AGXT2: variants seen among roughly 807,000 people sequenced by gnomAD.
The protein encoded by AGXT2 is alanine--glyoxylate aminotransferase 2, mitochondrial.
AGXT2 carries 61 observed loss-of-function variants against 62.5 expected under a neutral mutation model. That is an observed-to-expected ratio of 0.98 (90% confidence interval 0.79 to 1.21). AGXT2 has a LOEUF of 1.21. Among genes scored for constraint, AGXT2 ranks in the 50% most tolerant of loss-of-function variants. The pLI is 0.00. For synonymous variants in AGXT2, 243 were observed against 218.7 expected (o/e 1.11, Z -0.98); for missense variants, 666 against 641.5 (o/e 1.04, Z -0.41).
intron 5 of AGXT2, among the ~76,000 whole-genome samples, chr5:35,034,133 C>T (rs982074132): frequency 4.6e-5 from 7 of 151,934 alleles, no homozygotes; most frequent in Admixed American, 3.9e-4. Flanking sequence ...GATTTAGGAC[C>T]GTTAAGACTA....
chr5:35,014,216 G>A (rs1766759553), intron 9 of AGXT2, 97 bp from the exon 10 acceptor site: 1 of 1,521,256 alleles, frequency 6.6e-7, no homozygotes, highest in Admixed American at 1.7e-5. Flanking sequence ...CACTTTAGGA[G>A]GCTGAAGCAG....
intron 13 of AGXT2, 78 bp downstream of exon 13, chr5:35,003,685 G>A: frequency 7.3e-7 from 1 of 1,378,726 alleles, no homozygotes; most frequent in Non-Finnish European, 1.0e-6. Flanking sequence ...TCACAGCTGT[G>A]AAGAAACTGT....
intron 11 of AGXT2, 62 bp downstream of exon 11, chr5:35,012,892 T>G: frequency 2.2e-6 from 3 of 1,364,026 alleles, no homozygotes; most frequent in Non-Finnish European, 3.1e-6. Context: ...TGCTAATGCA[T>G]GTGTGGTTTT....
intron 7 of AGXT2, among the ~76,000 whole-genome samples, chr5:35,027,620 T>C (rs1031780802): frequency 2.6e-5 from 4 of 151,998 alleles, no homozygotes; most frequent in African/African-American, 9.7e-5. Context: ...CTGATCTTTT[T>C]CTTGATTGCG....
intron 9 of AGXT2, among the ~76,000 whole-genome samples, chr5:35,019,866 T>C (rs368938204): frequency 6.6e-6 from 1 of 151,712 alleles, no homozygotes; most frequent in Non-Finnish European, 1.5e-5. Flanking sequence ...ATCAAATAGA[T>C]GCAATAAAAA....
rs1369689427 is a variant in AGXT2, at chr5:35,003,849, G to A, written c.1351C>T (p.Pro451Ser). 2 of 1,613,884 alleles carry A rather than the reference G, an allele frequency of 1.2e-6. No individual in the cohort carries two copies. ...EMVQDKISCR[P>S]LPREEVNQIH... ...TGATTTACTTCTTCACGGGGAAGAG[G>A]CCGACAGCTTATCTGTAAATATATT... The change falls in exon 13 of 14, where the codon CCT becomes TCT. Residue 451 changes from proline to serine, a missense_variant. Physicochemically the swap from Pro to Ser is moderately conservative, Grantham distance 74. Coordinates refer to ENST00000231420, the MANE Select transcript of AGXT2 (RefSeq NM_031900.4).
At chr5:35,003,972 T>C (rs1766332152) in intron 12 of AGXT2, 111 bp from the exon 13 acceptor site, 1 of 934,436 alleles carries the variant, frequency 1.1e-6, no homozygotes, top group African/African-American at 1.7e-5. Context: ...CCCTCTTTTT[T>C]TTCTCTCTCC....
intron 13 of AGXT2, 28 bp downstream of exon 13, chr5:35,003,735 G>T: frequency 6.4e-7 from 1 of 1,567,468 alleles, no homozygotes; most frequent in South Asian, 1.1e-5. Flanking sequence ...TACCTAGAGC[G>T]ATAGGTAAAA....
At chr5:35,020,116 G>A (rs532345791) in intron 9 of AGXT2, among the ~76,000 whole-genome samples, 10 of 152,280 alleles carry the variant, frequency 6.6e-5, no homozygotes, top group African/African-American at 2.4e-4. Flanking sequence ...AGGACCAGAA[G>A]GATTCACAGC....
At position 34,998,639 on chromosome 5, in the gene AGXT2, G is replaced by A. The variant is rs1766114963; in HGVS notation, c.*80C>T. 8.6e-7 allele frequency: 1 copy of A among 1,159,484 alleles called. No homozygotes were observed. Among genetic ancestry groups the A allele is most frequent in the African/African-American group, 1.5e-5 (1 of 66,058 alleles). The allele number at this position is 1,159,484 out of a possible 1,614,324, so 71.8% of individuals were successfully genotyped here. On this transcript the variant is annotated 3_prime_UTR_variant, in exon 14 of 14. Coordinates refer to ENST00000231420, the MANE Select transcript of AGXT2 (RefSeq NM_031900.4). ...TGCAGGCTTTCTCTGGATACCAGTGGTTCTGAAATTCTTCAAATTCACCCT... is the reference window on the plus strand; with the variant it reads ...TGCAGGCTTTCTCTGGATACCAGTGATTCTGAAATTCTTCAAATTCACCCT...
chr5:35,043,596 G>C (rs1294599269), intron 1 of AGXT2, among the ~76,000 whole-genome samples: 1 of 152,090 alleles, frequency 6.6e-6, no homozygotes, highest in Non-Finnish European at 1.5e-5. Context: ...ACAGTGGTGT[G>C]AGCATGGCTT....
chr5:35,027,075 G>A (rs1767384063), intron 7 of AGXT2: 16 of 932,244 alleles, frequency 1.7e-5, no homozygotes, highest in Non-Finnish European at 1.9e-5. Flanking sequence ...ACTTGGTCCT[G>A]TGCTTGTTTT....
At chr5:35,006,944 A>C (rs1033179624) in intron 12 of AGXT2, among the ~76,000 whole-genome samples, 1 of 152,160 alleles carries the variant, frequency 6.6e-6, no homozygotes, top group African/African-American at 2.4e-5. Context: ...CTTATTTAGG[A>C]AAATAAGGTA....
rs1293504298 is a variant in AGXT2, at chr5:35,023,930, G to A, written c.963+1833C>T. ...TTATTTTGAGATGGAGTTTTGCTCC[G>A]TTGCCCAGGCTGGAGTGCAATGGCA... On this transcript the variant is annotated intron_variant, in intron 9 of 13. Transcript: ENST00000231420. 4.6e-5 allele frequency among the ~76,000 whole-genome samples: 7 copies of A among 151,686 alleles called. No homozygotes were observed. In the East Asian group the frequency reaches 5.8e-4, roughly 13 times the overall value.
chr5:35,039,967 C>G (rs1300190304), intron 2 of AGXT2, among the ~76,000 whole-genome samples: 1 of 152,088 alleles, frequency 6.6e-6, no homozygotes, highest in Non-Finnish European at 1.5e-5. Flanking sequence ...GTGGATCCCT[C>G]ATAAATACCT....
intron 9 of AGXT2, among the ~76,000 whole-genome samples, chr5:35,019,637 T>C (rs1366065090): frequency 1.3e-5 from 2 of 151,878 alleles, no homozygotes; most frequent in African/African-American, 4.8e-5. Flanking sequence ...GATCCAAAAT[T>C]GACACCCTAA....
At chr5:35,023,065 C>T (rs1169442279) in intron 9 of AGXT2, among the ~76,000 whole-genome samples, 2 of 145,950 alleles carry the variant, frequency 1.4e-5, no homozygotes, top group Non-Finnish European at 3.0e-5. Context: ...AAAAGAGTGC[C>T]TTTTATTCCG....
At chr5:35,022,894 A>G (rs901226682) in intron 9 of AGXT2, among the ~76,000 whole-genome samples, 10 of 151,978 alleles carry the variant, frequency 6.6e-5, no homozygotes, top group African/African-American at 2.2e-4. Context: ...TCTATGAAGA[A>G]TACTGTAAAC....
chr5:35,026,623 G>T, intron 7 of AGXT2, 113 bp from the exon 8 acceptor site: 1 of 1,060,030 alleles, frequency 9.4e-7, no homozygotes, highest in Non-Finnish European at 1.4e-6. Flanking sequence ...GACAGGGTAA[G>T]TTAATCAGGG....
Sources: allele counts gnomAD v4.1 joint callset (sites outside exome capture counted in the v4.1 genomes callset), GRCh38; gene constraint gnomAD v4.1.1; transcripts MANE v1.5; gene names NCBI Gene and HGNC (gene_info 2026-07-23, HGNC 2026-07-21).